Variants in GOLGA4 observed in about 807,000 individuals in gnomAD.
The protein encoded by GOLGA4 is golgin subfamily A member 4.
GOLGA4 carries 169 observed loss-of-function variants against 265.9 expected under a neutral mutation model. The ratio of observed to expected loss-of-function variants is 0.64; its 90% CI spans 0.56 to 0.72. The LOEUF (loss-of-function observed/expected upper bound fraction) is 0.72. Ranked by LOEUF, GOLGA4 falls within the 30% of genes least tolerant of loss-of-function variation. The pLI is 0.00. For synonymous variants in GOLGA4, 923 were observed against 855.8 expected, an observed-to-expected ratio of 1.08 and a Z score of -1.37; for missense variants, 2,482 against 2,483.4, an observed-to-expected ratio of 1.00 and a Z score of 0.01.
Position 37,325,081 on chromosome 3 carries a change from AT to A in GOLGA4, c.3197del (p.Leu1066TyrfsTer8). ...EELQEIHEIQ[L>X]QEKEQEVAEL... is the part of the protein sequence containing the mutation. ...AACTTCAGGAAATACATGAAATCCA[AT>A]TACAGGAAAAAGAACAAGAGGTAGC... is the stretch of plus-strand genomic sequence containing the variant. On this transcript the variant is annotated frameshift_variant, in exon 14 of 24. Transcript: ENST00000361924. LOFTEE classifies it high-confidence loss of function. 6.2e-7 allele frequency: 1 copy of A among 1,612,776 alleles called. No individual in the cohort carries two copies. The highest frequency in any genetic ancestry group is 8.5e-7 in the Non-Finnish European group (1 of 1,179,432).
intron 13 of GOLGA4, among the ~76,000 whole-genome samples, chr3:37,323,079 A>G (rs892258642): frequency 6.8e-6 from 1 of 147,370 alleles, no homozygotes; most frequent in African/African-American, 2.5e-5. Context: ...TGAAAGTATG[A>G]GTTGGGTTAA....
rs1412479585 is a variant in GOLGA4, at chr3:37,324,760, A to C, written c.2874A>C (p.Lys958Asn). The C allele has an allele frequency of 1.3e-6, 2 of 1,586,952 alleles. No homozygotes were observed. The highest frequency in any genetic ancestry group is 4.5e-5 in the East Asian group (2 of 44,786). The change falls in exon 14 of 24, where the codon AAA becomes AAC. Residue 958 changes from lysine to asparagine, a missense_variant. Coordinates refer to ENST00000361924, the MANE Select transcript of GOLGA4 (RefSeq NM_002078.5). ...KFKNQEKKME[K>N]VKQKAKEMQE... ...AAAACCAAGAAAAAAAGATGGAAAA[A>C]GTTAAGCAGAAAGCAAAGGAGATGC... is the stretch of plus-strand genomic sequence containing the variant.
At chr3:37,362,237 ATTATT>A (rs1696350345) in intron 23 of GOLGA4, among the ~76,000 whole-genome samples, 1 of 54,388 alleles carries the variant, frequency 1.8e-5, no homozygotes, top group African/African-American at 4.9e-5. Context: ...TTATTTATTT[ATTATT>A]TTTTTTTTTT....
rs2096966883 is a variant in GOLGA4 at position 37,325,325 on chromosome 3, C to T, written c.3439C>T (p.Leu1147=). ...GCTAGAGGTTGACTTGAATAAGTCT[C>T]TGAAGGAAAATACTTTTCTTCAAGA... ...EKLEVDLNKS[L]KENTFLQEQL... The change falls in exon 14 of 24, where the codon CTG becomes TTG. Residue 1147 remains leucine (L), a synonymous_variant. Transcript: ENST00000361924. 2 of 1,613,336 alleles carry T rather than the reference C, an allele frequency of 1.2e-6. No individual in the cohort carries two copies. Among genetic ancestry groups the T allele is most frequent in the Non-Finnish European group, 1.7e-6 (2 of 1,179,400 alleles).
rs765107006 is a variant in GOLGA4 at position 37,323,719 on chromosome 3, A to G, written c.1833A>G (p.Lys611=). ...HNKEITVMVE[K]HKTELESLKH... ...AGGAGATTACAGTCATGGTTGAAAAACACAAGACAGAATTGGAAAGCCTTA... is the reference window on the plus strand; with the variant it reads ...AGGAGATTACAGTCATGGTTGAAAAGCACAAGACAGAATTGGAAAGCCTTA... Residue 611 remains lysine, a synonymous_variant, in exon 14 of 24, where the codon AAA becomes AAG. Coordinates refer to ENST00000361924, the MANE Select transcript of GOLGA4 (RefSeq NM_002078.5). 6 of 1,613,822 alleles carry G rather than the reference A, an allele frequency of 3.7e-6. No individual in the cohort carries two copies. Among genetic ancestry groups the G allele is most frequent in the African/African-American group, 2.7e-5 (2 of 74,936 alleles).
intron 2 of GOLGA4, among the ~76,000 whole-genome samples, chr3:37,254,156 A>G (rs1368197537): frequency 6.6e-6 from 1 of 152,216 alleles, no homozygotes; most frequent in East Asian, 1.9e-4. Flanking sequence ...TGATTGCAAA[A>G]ACATTACAAC....
Position 37,281,976 on chromosome 3 carries a change from T to C in GOLGA4, c.181T>C (p.Phe61Leu). The change falls in exon 3 of 24, where the codon TTT becomes CTT. Residue 61 changes from phenylalanine (F) to leucine (L), a missense_variant. This residue lies in a region of GOLGA4 where 1,536 missense variants were observed against 1,483.7 expected (regional missense o/e 1.04). Coordinates refer to ENST00000361924, the MANE Select transcript of GOLGA4 (RefSeq NM_002078.5). ...PNRESGDTQSFAQKLQLRVPS... is the reference protein window; with the variant it reads ...PNRESGDTQSLAQKLQLRVPS... ...GTTGCAGTCAGGTGACACACAGTCT[T>C]TTGCACAGAAGCTCCAGCTCCGGGT... is the stretch of plus-strand genomic sequence containing the variant. The C allele has an allele frequency of 1.2e-6, 2 of 1,613,506 alleles. No individual in the cohort carries two copies.
intron 10 of GOLGA4, among the ~76,000 whole-genome samples, chr3:37,314,381 C>T (rs2096931273): frequency 6.6e-6 from 1 of 152,026 alleles, no homozygotes; most frequent in African/African-American, 2.4e-5. Context: ...TGTCTCATGC[C>T]TGTAATTCCA....
At chr3:37,283,130 AT>A (rs140487563) in intron 3 of GOLGA4, among the ~76,000 whole-genome samples, 155 of 152,346 alleles carry the variant, frequency 1.0e-3, no homozygotes, top group African/African-American at 3.1e-3. Flanking sequence ...GTTTCCAATT[AT>A]GACTACAATA....
At chr3:37,275,986 G>A (rs2096816844) in intron 2 of GOLGA4, 1 of 1,613,488 alleles carries the variant, frequency 6.2e-7, no homozygotes, top group Non-Finnish European at 8.5e-7. Flanking sequence ...TTACATCGCA[G>A]AACAGCCCTG....
In GOLGA4 at chr3:37,243,371, C is replaced by T. The variant is rs1338974769; in HGVS notation, c.-180C>T. 5 of 584,496 alleles carry T rather than the reference C, an allele frequency of 8.6e-6. No individual in the cohort carries two copies. Among genetic ancestry groups the T allele is most frequent in the Non-Finnish European group, 1.5e-5 (5 of 325,972 alleles). The allele number at this position is 584,496 out of a possible 1,614,324, so 36.2% of individuals were successfully genotyped here. On this transcript the variant is annotated 5_prime_UTR_variant, in exon 1 of 24. Coordinates refer to ENST00000361924, the MANE Select transcript of GOLGA4 (RefSeq NM_002078.5). ...CCGGAAGAAAGAGACGCGGCGGCGG[C>T]GACGCCGACACCCTCAGGACGAGTG...
In GOLGA4 at chr3:37,319,044, C is replaced by T; in HGVS notation, c.1414-19C>T. 8 of 1,552,508 alleles carry T rather than the reference C, an allele frequency of 5.2e-6. No individual in the cohort carries two copies. The highest frequency in any genetic ancestry group is 7.0e-6 in the Non-Finnish European group (8 of 1,143,626). ...TTTATTCTGGGTGTCCTTATATTATCTATTTGGCTCATTTTCAGAAATCCT... is the reference window on the plus strand; with the variant it reads ...TTTATTCTGGGTGTCCTTATATTATTTATTTGGCTCATTTTCAGAAATCCT... On this transcript the variant is annotated intron_variant, in intron 11 of 23. Coordinates refer to ENST00000361924, the MANE Select transcript of GOLGA4 (RefSeq NM_002078.5).
Position 37,298,750 on chromosome 3 carries a change from CTT to C in GOLGA4, c.815-81_815-80del, listed in dbSNP as rs1578569655. 2.1e-5 allele frequency: 19 copies of C among 911,936 alleles called. No homozygotes were observed. The East Asian group carries it at 4.6e-4, about 22-fold the overall frequency. 56.5% of individuals were successfully genotyped at this position (911,936 alleles called of 1,614,324 possible). ...AGATGGAGTCGGTTAGATTAGATCT[CTT>C]TGACTGTCTCAGTCATAATTTTCCA... On this transcript the variant is annotated intron_variant, in intron 7 of 23. Transcript: ENST00000361924.
chr3:37,364,650 G>A (rs1468704837), intron 23 of GOLGA4, among the ~76,000 whole-genome samples: 1 of 148,104 alleles, frequency 6.8e-6, no homozygotes, highest in Non-Finnish European at 1.5e-5. Flanking sequence ...GCAGTGGCGT[G>A]AACACAGTTC....
chr3:37,353,075 G>T (rs1254686198), intron 21 of GOLGA4, among the ~76,000 whole-genome samples: 1 of 151,678 alleles, frequency 6.6e-6, no homozygotes, highest in Admixed American at 6.6e-5. Flanking sequence ...GGAAAGAGAT[G>T]GGGGCTCAGC....
chr3:37,324,440 G>A lies in GOLGA4; in HGVS notation c.2554G>A (p.Val852Ile), dbSNP rs779187737. 6.2e-7 allele frequency: 1 copy of A among 1,614,154 alleles called. No individual in the cohort carries two copies. Among genetic ancestry groups the A allele is most frequent in the Non-Finnish European group, 8.5e-7 (1 of 1,180,000 alleles). ...VAEVEAQKKD[V>I]CTELDAHKIQ... ...TGAAGTTGAAGCACAAAAGAAAGAT[G>A]TTTGTACTGAGTTAGATGCTCACAA... Residue 852 changes from valine (V) to isoleucine (I), a missense_variant, in exon 14 of 24, where the codon GTT (valine) becomes ATT (isoleucine). Physicochemically the swap from Val to Ile is conservative, Grantham distance 29 (BLOSUM62 3). Around this residue, in one of 3 missense-constraint regions of GOLGA4, gnomAD observed 1,536 missense variants for 1,483.7 expected, o/e 1.04. Coordinates refer to ENST00000361924, the MANE Select transcript of GOLGA4 (RefSeq NM_002078.5).
chr3:37,282,089 C>T lies in GOLGA4; in HGVS notation c.294C>T (p.Ser98=), dbSNP rs2096836298. The T allele has an allele frequency of 6.2e-7, 1 of 1,614,018 alleles. No homozygotes were observed. The highest frequency in any genetic ancestry group is 8.5e-7 in the Non-Finnish European group (1 of 1,179,996). Residue 98 remains serine, a synonymous_variant, in exon 3 of 24, where the codon TCC becomes TCT. Coordinates refer to ENST00000361924, the MANE Select transcript of GOLGA4 (RefSeq NM_002078.5). ...SSKESLVRTS[S]RESLNRLDLD... ...AAGAGTCTTTGGTACGAACATCTTCCAGAGAATCCCTGAATCGACTTGACC... is the reference window on the plus strand; with the variant it reads ...AAGAGTCTTTGGTACGAACATCTTCTAGAGAATCCCTGAATCGACTTGACC...
chr3:37,252,887 T>C (rs1419541544), intron 2 of GOLGA4, among the ~76,000 whole-genome samples: 1 of 152,162 alleles, frequency 6.6e-6, no homozygotes, highest in Non-Finnish European at 1.5e-5. Context: ...GTTGAATATA[T>C]ATCTTGCAGC....
chr3:37,311,140 T>G (rs1490784189), intron 10 of GOLGA4, among the ~76,000 whole-genome samples: 1 of 152,126 alleles, frequency 6.6e-6, no homozygotes, highest in Non-Finnish European at 1.5e-5. Context: ...TCTCAGTATA[T>G]CCTCTTTAAA....
Sources: gnomAD v4.1 joint callset for allele counts (sites outside exome capture counted in the v4.1 genomes callset) on GRCh38, gnomAD v4.1.1 for gene constraint, gnomAD v4.1.1 regional missense constraint, MANE v1.5 for transcripts, NCBI Gene and HGNC (gene_info 2026-07-23, HGNC 2026-07-21) for gene names.